KCNK10: variants seen among roughly 807,000 people sequenced by gnomAD.
KCNK10 encodes the protein potassium channel subfamily K member 10.
A neutral mutation model predicts 47.7 loss-of-function variants in KCNK10; 25 were observed. The observed-to-expected ratio is 0.52, with a 90% confidence interval of 0.38 to 0.73. The LOEUF (loss-of-function observed/expected upper bound fraction) is 0.73. Ranked by LOEUF, KCNK10 falls within the 30% of genes least tolerant of loss-of-function variation. The pLI, the probability that KCNK10 is intolerant of heterozygous loss-of-function variation, is 0.00. For missense variants in KCNK10, 563 were observed against 714.5 expected (o/e 0.79, Z 2.42); for synonymous variants, 303 against 285.6 (o/e 1.06, Z -0.61).
At chr14:88,245,553 T>G (rs1412805948) in intron 2 of KCNK10, among the ~76,000 whole-genome samples, 1 of 152,214 alleles carries the variant, frequency 6.6e-6, no homozygotes, top group East Asian at 1.9e-4. Context: ...GATACCATCA[T>G]GAGCGTTAGT....
At chr14:88,208,009 C>T (rs750508074) in intron 4 of KCNK10, among the ~76,000 whole-genome samples, 1 of 152,204 alleles carries the variant, frequency 6.6e-6, no homozygotes, top group Non-Finnish European at 1.5e-5. Flanking sequence ...TCAGTGCAAA[C>T]GCAGAGATCC....
chr14:88,256,625 G>A (rs982272259), intron 2 of KCNK10, among the ~76,000 whole-genome samples: 6 of 152,216 alleles, frequency 3.9e-5, no homozygotes, highest in East Asian at 3.9e-4. Flanking sequence ...AGCACTCTGG[G>A]AGCGACTTCT....
At chr14:88,261,875 T>C (rs534348893) in intron 2 of KCNK10, among the ~76,000 whole-genome samples, 1 of 152,304 alleles carries the variant, frequency 6.6e-6, no homozygotes, top group African/African-American at 2.4e-5. Context: ...TTGAGAAGAA[T>C]TATAGGGCAT....
chr14:88,186,035 G>A lies in KCNK10; in HGVS notation c.1132C>T (p.Arg378Cys), dbSNP rs757458362. ...HDKLQRAATI[R>C]SMERRRLGLD... Reference sequence around the variant, plus strand: ...CCCAGCCGCCGGCGCTCCATGCTGCGGATGGTGGCCGCCCGCTGCAGCTTA... The same window carrying A: ...CCCAGCCGCCGGCGCTCCATGCTGCAGATGGTGGCCGCCCGCTGCAGCTTA... The change falls in exon 7 of 7, where the codon CGC becomes TGC. Residue 378 changes from arginine to cysteine, a missense_variant. Physicochemically the swap from Arg to Cys is radical, Grantham distance 180 (BLOSUM62 -3). Transcript: ENST00000319231. The surrounding 1 kb of genome is among the most constrained non-coding windows in gnomAD (Gnocchi z 5.5). 2.7e-5 allele frequency: 43 copies of A among 1,613,444 alleles called. No homozygotes were observed. The African/African-American group carries it at 3.5e-4, about 13-fold the overall frequency.
At chr14:88,238,588 T>C (rs1381705416) in intron 3 of KCNK10, among the ~76,000 whole-genome samples, 1 of 152,048 alleles carries the variant, frequency 6.6e-6, no homozygotes, top group Non-Finnish European at 1.5e-5. Flanking sequence ...GGTGGGAGGA[T>C]CCCTTGAGCC....
intron 3 of KCNK10, among the ~76,000 whole-genome samples, chr14:88,234,431 G>A (rs1886240069): frequency 6.6e-6 from 1 of 152,162 alleles, no homozygotes; most frequent in Non-Finnish European, 1.5e-5. Context: ...ATTTCACCTA[G>A]AAACAACATA....
At chr14:88,220,441 AAAAAAAAAAAAAAAT>A in intron 4 of KCNK10, among the ~76,000 whole-genome samples, 1 of 143,346 alleles carries the variant, frequency 7.0e-6, no homozygotes, top group African/African-American at 2.6e-5. Flanking sequence ...AAAAAAAAAA[AAAAAAAAAAAAAAAT>A]TACTATAGAG....
chr14:88,204,077 C>A (rs1362523067), intron 4 of KCNK10, among the ~76,000 whole-genome samples: 1 of 152,168 alleles, frequency 6.6e-6, no homozygotes, highest in East Asian at 1.9e-4. Flanking sequence ...CACTCCCCTG[C>A]ATTTTCCAAG....
chr14:88,259,535 C>A (rs1887050998), intron 2 of KCNK10, among the ~76,000 whole-genome samples: 1 of 152,228 alleles, frequency 6.6e-6, no homozygotes, highest in African/African-American at 2.4e-5. Context: ...TGGCTCACTG[C>A]AGCCTTGACT....
intron 1 of KCNK10, among the ~76,000 whole-genome samples, chr14:88,310,007 T>C (rs1276972815): frequency 6.6e-6 from 1 of 151,914 alleles, no homozygotes; most frequent in Non-Finnish European, 1.5e-5. Context: ...CAGTCCCTAG[T>C]TCTGTTCTCT....
intron 5 of KCNK10, 80 bp from the exon 6 acceptor site, chr14:88,188,189 G>T: frequency 6.8e-7 from 1 of 1,475,854 alleles, no homozygotes; most frequent in Non-Finnish European, 9.4e-7. Context: ...TCCATGTAGT[G>T]AAGACGTCAT....
intron 1 of KCNK10, among the ~76,000 whole-genome samples, chr14:88,310,213 A>T (rs1888293518): frequency 7.4e-6 from 1 of 135,122 alleles, no homozygotes; most frequent in African/African-American, 2.6e-5. Flanking sequence ...ATGATATACC[A>T]TATCATATGG....
At chr14:88,215,346 G>A (rs1333138810) in intron 4 of KCNK10, among the ~76,000 whole-genome samples, 1 of 152,158 alleles carries the variant, frequency 6.6e-6, no homozygotes, top group Non-Finnish European at 1.5e-5. Context: ...TGGCAGGAGA[G>A]AGAACGAGTG....
chr14:88,197,029 C>A (rs1049166935), intron 4 of KCNK10, among the ~76,000 whole-genome samples: 1 of 152,134 alleles, frequency 6.6e-6, no homozygotes, highest in Non-Finnish European at 1.5e-5. Context: ...TGAAGTGGAA[C>A]CTTCAAGAAG....
chr14:88,306,085 G>A (rs1283683588), intron 1 of KCNK10, among the ~76,000 whole-genome samples: 1 of 152,240 alleles, frequency 6.6e-6, no homozygotes, highest in Admixed American at 6.5e-5. Context: ...ATGAGCTGAA[G>A]TGGTGCGAGC....
intron 1 of KCNK10, among the ~76,000 whole-genome samples, chr14:88,303,154 T>C (rs1442339704): frequency 6.6e-6 from 1 of 152,158 alleles, no homozygotes; most frequent in Admixed American, 6.5e-5. Flanking sequence ...GCTGATGTGA[T>C]CAAGAGAGGC....
At chr14:88,235,258 T>C (rs1886268564) in intron 3 of KCNK10, 1 of 456,448 alleles carries the variant, frequency 2.2e-6, no homozygotes, top group African/African-American at 2.0e-5. Context: ...AGAAAGCTGG[T>C]CCAGGAATAT....
chr14:88,213,003 C>T (rs1046825519), intron 4 of KCNK10, among the ~76,000 whole-genome samples: 1 of 152,204 alleles, frequency 6.6e-6, no homozygotes, highest in African/African-American at 2.4e-5. Flanking sequence ...TGGTTCAGAA[C>T]ACTGGCACAC....
chr14:88,314,957 T>C (rs1178654574), intron 1 of KCNK10, among the ~76,000 whole-genome samples: 7 of 152,114 alleles, frequency 4.6e-5, no homozygotes, highest in South Asian at 2.1e-4. Flanking sequence ...CATGCTTGGA[T>C]TAGGACTCAG....
Sources: gnomAD v4.1 joint callset for allele counts (sites outside exome capture counted in the v4.1 genomes callset) on GRCh38, gnomAD v4.1.1 for gene constraint, Gnocchi (gnomAD v3.1) non-coding constraint, MANE v1.5 for transcripts, NCBI Gene and HGNC (gene_info 2026-07-23, HGNC 2026-07-21) for gene names.